The following TRIM2 variants were observed in gnomAD, a reference collection of about 807,000 sequenced individuals.
TRIM2 encodes tripartite motif containing 2, also known as tripartite motif-containing protein 2.
A neutral mutation model predicts 75.2 loss-of-function variants in TRIM2; 20 were observed. The observed-to-expected ratio is 0.27, with a 90% CI of 0.19 to 0.39. The LOEUF (loss-of-function observed/expected upper bound fraction) is 0.39, where lower values mean the gene tolerates loss of function less well. TRIM2 is among the 10% of genes least tolerant of loss of function. The pLI is 1.00. For synonymous variants in TRIM2, 373 were observed against 388.3 expected (o/e 0.96, Z 0.46); for missense variants, 660 against 990.8 (o/e 0.67, Z 4.48).
intron 1 of TRIM2, among the ~76,000 whole-genome samples, chr4:153,159,461 C>T (rs11721556): frequency 0.13 from 19,405 of 151,648 alleles, 1,366 homozygotes; most frequent in Admixed American, 0.23. Context: ...CTACCACACC[C>T]GGCTAATTTT....
At chr4:153,177,194 C>A (rs1481087117) in intron 1 of TRIM2, among the ~76,000 whole-genome samples, 2 of 152,200 alleles carry the variant, frequency 1.3e-5, no homozygotes, top group East Asian at 1.9e-4. Context: ...GGGAAGGGAA[C>A]AAAAGGGCTC....
At chr4:153,153,218 CCTT>C (rs34280372) in exon 1 of TRIM2, 20,810 of 152,316 alleles carry the variant, frequency 0.14, 1,643 homozygotes, top group Non-Finnish European at 0.18. Flanking sequence ...CCTTTCCTGT[CCTT>C]CTAATTACAG....
chr4:153,251,885 G>A (rs1750959009), intron 1 of TRIM2, among the ~76,000 whole-genome samples: 1 of 152,058 alleles, frequency 6.6e-6, no homozygotes, highest in Non-Finnish European at 1.5e-5. Flanking sequence ...GGAGACTAAG[G>A]TGGGAGGATT....
upstream of TRIM2, among the ~76,000 whole-genome samples, chr4:153,203,827 G>A (rs550577653): frequency 1.3e-5 from 2 of 152,156 alleles, no homozygotes; most frequent in African/African-American, 2.4e-5. Context: ...AGGAGGCTAC[G>A]GTTGCAGTGA....
chr4:153,270,361 C>T lies in TRIM2; in HGVS notation c.57C>T (p.Ala19=), dbSNP rs1005610933. 1.1e-5 allele frequency: 17 copies of T among 1,613,110 alleles called. No individual in the cohort carries two copies. Among genetic ancestry groups the T allele is most frequent in the Non-Finnish European group, 1.4e-5 (16 of 1,179,608 alleles). ...AGCAGCGTGCAGGGTCAAAGACAGC[C>T]GGCCCCCCATGTCAGTGGTCTAGGA... is the stretch of plus-strand genomic sequence containing the variant. ...TQQQRAGSKT[A]GPPCQWSRMA... Residue 19 remains alanine (A), a synonymous_variant, in exon 2 of 12, where the codon GCC becomes GCT. Coordinates refer to ENST00000338700, the MANE Select transcript of TRIM2 (RefSeq NM_015271.5).
At chr4:153,207,291 C>T (rs529009311) in intron 1 of TRIM2, among the ~76,000 whole-genome samples, 4 of 152,162 alleles carry the variant, frequency 2.6e-5, no homozygotes, top group African/African-American at 4.8e-5. Context: ...GTGCGGTGGC[C>T]GATGGGGGAC....
chr4:153,174,783 A>T (rs1731242449), intron 1 of TRIM2, among the ~76,000 whole-genome samples: 1 of 152,260 alleles, frequency 6.6e-6, no homozygotes, highest in South Asian at 2.1e-4. Context: ...TAACAAGCCT[A>T]GTTCTTGCCA....
chr4:153,286,784 C>T (rs1369025335), intron 3 of TRIM2, among the ~76,000 whole-genome samples: 4 of 140,462 alleles, frequency 2.8e-5, no homozygotes, highest in African/African-American at 1.2e-4. Flanking sequence ...CCATCTCACT[C>T]TCTCTCTCTC....
At chr4:153,238,014 G>C (rs1745482910) in intron 1 of TRIM2, among the ~76,000 whole-genome samples, 1 of 152,060 alleles carries the variant, frequency 6.6e-6, no homozygotes. Context: ...AGCCAGTTCT[G>C]AGTCCAGGTG....
chr4:153,301,180 G>C (rs1308234315), intron 6 of TRIM2, among the ~76,000 whole-genome samples: 2 of 149,584 alleles, frequency 1.3e-5, no homozygotes, highest in Admixed American at 1.3e-4. Context: ...GACAGAGCGA[G>C]ACTCTATCTC....
intron 1 of TRIM2, among the ~76,000 whole-genome samples, chr4:153,215,383 G>A (rs1388508866): frequency 6.6e-6 from 1 of 152,044 alleles, no homozygotes; most frequent in African/African-American, 2.4e-5. Context: ...AGCTGAAAAT[G>A]CATTTCCCCA....
At chr4:153,194,201 C>T (rs1458977491) in intron 1 of TRIM2, among the ~76,000 whole-genome samples, 2 of 152,034 alleles carry the variant, frequency 1.3e-5, no homozygotes, top group Non-Finnish European at 2.9e-5. Context: ...CACAGATTCT[C>T]AGAAATTTGC....
intron 10 of TRIM2, among the ~76,000 whole-genome samples, chr4:153,326,979 CAA>C (rs10718802): frequency 0.16 from 15,900 of 98,658 alleles, 745 homozygotes; most frequent in African/African-American, 0.21. Flanking sequence ...GACTCCATCT[CAA>C]AAAAAAAAAA....
intron 1 of TRIM2, among the ~76,000 whole-genome samples, chr4:153,171,835 T>A (rs556111506): frequency 9.1e-4 from 123 of 135,326 alleles, no homozygotes; most frequent in African/African-American, 3.1e-3. Flanking sequence ...ATTTTCGTTT[T>A]GGGGCTTTTT....
At chr4:153,296,063 G>T (rs766630058) in intron 6 of TRIM2, 27 bp downstream of exon 6, 3 of 1,511,904 alleles carry the variant, frequency 2.0e-6, no homozygotes, top group South Asian at 1.4e-5. Context: ...TGTGCCCGAC[G>T]CCTGAGCTGG....
intron 1 of TRIM2, among the ~76,000 whole-genome samples, chr4:153,209,328 G>A (rs1174127364): frequency 6.6e-6 from 1 of 152,150 alleles, no homozygotes; most frequent in Non-Finnish European, 1.5e-5. Context: ...ATATGTTCAA[G>A]GGACCCACCC....
chr4:153,251,637 A>T (rs1750901933), intron 1 of TRIM2, among the ~76,000 whole-genome samples: 1 of 152,124 alleles, frequency 6.6e-6, no homozygotes, highest in South Asian at 2.1e-4. Flanking sequence ...TCATACCTTT[A>T]TTATTTCTTT....
intron 3 of TRIM2, among the ~76,000 whole-genome samples, chr4:153,284,317 C>T (rs577323425): frequency 6.6e-6 from 1 of 152,204 alleles, no homozygotes; most frequent in African/African-American, 2.4e-5. Context: ...TCTCCTGCCT[C>T]AGCCTCCTGA....
Position 153,244,174 on chromosome 4 carries a change from CT to C in TRIM2, c.31-26159del, listed in dbSNP as rs1391843986. Among the ~76,000 whole-genome samples the C allele has an allele frequency of 3.3e-3, 491 of 147,756 alleles. 31 individuals are homozygous for C. Among genetic ancestry groups the C allele is most frequent in the African/African-American group, 0.011 (426 of 38,872 alleles). On this transcript the variant is annotated intron_variant, in intron 1 of 11. Coordinates refer to ENST00000338700, the MANE Select transcript of TRIM2 (RefSeq NM_015271.5). ...TCTTGTTCTTCTTCTTCTTCTTCTT[CT>C]TCTTCTCCTCCTTCTTCTTCTCCTC... is the stretch of plus-strand genomic sequence containing the variant.
Sources: gnomAD v4.1 joint callset for allele counts (sites outside exome capture counted in the v4.1 genomes callset) on GRCh38, gnomAD v4.1.1 for gene constraint, MANE v1.5 for transcripts, NCBI Gene and HGNC (gene_info 2026-07-23, HGNC 2026-07-21) for gene names.